Variants in MTHFD1L observed in about 807,000 individuals in gnomAD.
MTHFD1L encodes the protein methylenetetrahydrofolate dehydrogenase (NADP+ dependent) 1 like, also known as monofunctional C1-tetrahydrofolate synthase, mitochondrial.
Under a neutral mutation model 119.5 loss-of-function variants are expected in MTHFD1L, and 81 were observed. The ratio of observed to expected loss-of-function variants is 0.68; its 90% CI spans 0.57 to 0.82. The LOEUF is 0.82. Among genes scored for constraint, MTHFD1L ranks in the 40% least tolerant of loss-of-function variants. MTHFD1L has a pLI of 0.00. For synonymous variants in MTHFD1L, 430 were observed against 475.2 expected (o/e 0.90, Z 1.24); for missense variants, 1,125 against 1,253.4 (o/e 0.90, Z 1.55).
intron 24 of MTHFD1L, among the ~76,000 whole-genome samples, chr6:151,021,216 A>G (rs1436409322): frequency 6.6e-6 from 1 of 152,166 alleles, no homozygotes; most frequent in Non-Finnish European, 1.5e-5. Flanking sequence ...GTGAGACCCA[A>G]ATGAAATGCC....
chr6:150,898,565 A>G (rs1784622075), intron 7 of MTHFD1L, among the ~76,000 whole-genome samples: 1 of 152,224 alleles, frequency 6.6e-6, no homozygotes, highest in South Asian at 2.1e-4. Context: ...AAGACGCTGT[A>G]TGGATGAAAG....
At chr6:150,877,277 T>C (rs1444829695) in intron 2 of MTHFD1L, among the ~76,000 whole-genome samples, 2 of 152,152 alleles carry the variant, frequency 1.3e-5, no homozygotes, top group Admixed American at 6.5e-5. Context: ...GGTCTCGAAC[T>C]CCTGGGCTCA....
At chr6:150,922,434 G>A in intron 10 of MTHFD1L, 132 bp downstream of exon 10, 1 of 544,256 alleles carries the variant, frequency 1.8e-6, no homozygotes, top group Non-Finnish European at 3.2e-6. Flanking sequence ...TCATTAAATT[G>A]CCACCCTATT....
intron 26 of MTHFD1L, among the ~76,000 whole-genome samples, chr6:151,045,339 C>T (rs1224805877): frequency 6.6e-6 from 1 of 152,190 alleles, no homozygotes; most frequent in Non-Finnish European, 1.5e-5. Context: ...GCCACTCCCC[C>T]CAGCAGGTCC....
Position 151,094,147 on chromosome 6 carries a change from T to C in MTHFD1L, c.*31+1560T>C, listed in dbSNP as rs78018713. 7.9e-4 allele frequency among the ~76,000 whole-genome samples: 121 copies of C among 152,312 alleles called. 1 individual carries two copies. Among genetic ancestry groups the C allele is most frequent in the African/African-American group, 2.8e-3 (118 of 41,570 alleles). ...TCCTCACCATATTCTAAAGACACAT[T>C]CTTTCCCCGCAAGCACCCCGCCTCC... is the stretch of plus-strand genomic sequence containing the variant. On this transcript the variant is annotated intron_variant, in intron 27 of 27. Transcript: ENST00000367321.
At chr6:150,897,205 G>C (rs1784377352) in intron 7 of MTHFD1L, among the ~76,000 whole-genome samples, 1 of 152,136 alleles carries the variant, frequency 6.6e-6, no homozygotes, top group African/African-American at 2.4e-5. Flanking sequence ...TTAAGATTGA[G>C]AAGAAATGAT....
chr6:151,088,643 G>A (rs1055753737), intron 26 of MTHFD1L, among the ~76,000 whole-genome samples: 4 of 54,060 alleles, frequency 7.4e-5, no homozygotes, highest in African/African-American at 2.7e-4. Flanking sequence ...TTTTTTTTTT[G>A]TATTTGTAGA....
intron 20 of MTHFD1L, among the ~76,000 whole-genome samples, chr6:150,983,843 T>C (rs1240478934): frequency 6.6e-6 from 1 of 152,200 alleles, no homozygotes; most frequent in Non-Finnish European, 1.5e-5. Flanking sequence ...GGCTAACAGC[T>C]CACTGCAACC....
chr6:151,066,721 C>T (rs1392736155), intron 26 of MTHFD1L, among the ~76,000 whole-genome samples: 2 of 149,636 alleles, frequency 1.3e-5, no homozygotes, highest in Non-Finnish European at 3.0e-5. Flanking sequence ...GCCAAGATTG[C>T]GCCATTGCAT....
chr6:150,901,440 T>C (rs562871174), intron 7 of MTHFD1L, among the ~76,000 whole-genome samples: 1 of 152,346 alleles, frequency 6.6e-6, no homozygotes, highest in Admixed American at 6.5e-5. Context: ...GCAGTGCCAC[T>C]GCATTCCAGC....
chr6:151,097,229 T>C (rs1332784306), intron 27 of MTHFD1L, among the ~76,000 whole-genome samples: 1 of 152,208 alleles, frequency 6.6e-6, no homozygotes, highest in East Asian at 1.9e-4. Flanking sequence ...TTACGTTGAG[T>C]ACGGAATCAG....
rs561127470 is a variant in MTHFD1L at position 150,984,854 on chromosome 6, T to C, written c.2125+12796T>C. 9.4e-4 allele frequency among the ~76,000 whole-genome samples: 143 copies of C among 152,356 alleles called. 2 individuals carry two copies. Among genetic ancestry groups the C allele is most frequent in the African/African-American group, 3.2e-3 (133 of 41,582 alleles). ...TGATGCCAATATAATTCATGTGTCA[T>C]TTTCCGCTATAATACAATGAAAATC... is the stretch of plus-strand genomic sequence containing the variant. On this transcript the variant is annotated intron_variant, in intron 20 of 27. Transcript: ENST00000367321.
At chr6:150,957,691 T>C (rs543665055) in intron 17 of MTHFD1L, among the ~76,000 whole-genome samples, 61 of 152,254 alleles carry the variant, frequency 4.0e-4, no homozygotes, top group African/African-American at 1.5e-3. Flanking sequence ...TAAATGTGCG[T>C]ATGGGTGTCT....
At chr6:151,036,875 A>T (rs12525380) in intron 25 of MTHFD1L, 90 bp from the exon 26 acceptor site, 965,355 of 1,405,800 alleles carry the variant, frequency 0.69, 339,102 homozygotes, top group Non-Finnish European at 0.73. Context: ...CCGGCATACC[A>T]TTGCTGCCGA....
intron 11 of MTHFD1L, among the ~76,000 whole-genome samples, chr6:150,931,894 G>A (rs1791100473): frequency 6.6e-6 from 1 of 152,192 alleles, no homozygotes. Context: ...GGGCATGGTG[G>A]CTCACGCCTG....
chr6:150,923,081 A>G (rs1040405857), intron 10 of MTHFD1L, among the ~76,000 whole-genome samples: 1 of 152,184 alleles, frequency 6.6e-6, no homozygotes, highest in Non-Finnish European at 1.5e-5. Context: ...GTTAAGGGCC[A>G]TATAGGTTTC....
At chr6:150,885,415 C>T (rs1205200739) in intron 5 of MTHFD1L, among the ~76,000 whole-genome samples, 3 of 152,122 alleles carry the variant, frequency 2.0e-5, no homozygotes, top group African/African-American at 4.8e-5. Context: ...AGGCTAGTCT[C>T]GAGCTCCTGA....
At chr6:151,062,072 T>C (rs1562615822) in intron 26 of MTHFD1L, among the ~76,000 whole-genome samples, 1 of 152,232 alleles carries the variant, frequency 6.6e-6, no homozygotes, top group African/African-American at 2.4e-5. Context: ...AAGGAATTTC[T>C]AAGCAGCCTC....
chr6:150,877,434 A>C (rs913592011), intron 2 of MTHFD1L, among the ~76,000 whole-genome samples, 200 bp from the exon 3 acceptor site: 8 of 152,180 alleles, frequency 5.3e-5, no homozygotes, highest in African/African-American at 1.9e-4. Flanking sequence ...TAAAAAAGTG[A>C]CATAATTTGA....
Sources: gnomAD v4.1 joint callset for allele counts (sites outside exome capture counted in the v4.1 genomes callset) on GRCh38, gnomAD v4.1.1 for gene constraint, MANE v1.5 for transcripts, NCBI Gene and HGNC (gene_info 2026-07-23, HGNC 2026-07-21) for gene names.